The following PRCD variants were observed in gnomAD, a reference collection of about 807,000 sequenced individuals.
PRCD encodes the protein photoreceptor disk component PRCD.
A neutral mutation model predicts 10.1 loss-of-function variants in PRCD; 12 were observed. The observed-to-expected ratio is 1.18, with a 90% confidence interval of 0.76 to 1.92. The LOEUF (loss-of-function observed/expected upper bound fraction) is 1.92, where lower values mean the gene tolerates loss of function less well. Among genes scored for constraint, PRCD ranks in the 40% most tolerant of loss-of-function variants. The pLI is 0.00. For synonymous variants in PRCD, 31 were observed against 26.2 expected (o/e 1.18, Z -0.56); for missense variants, 61 against 72.2 (o/e 0.84, Z 0.56).
intron 1 of PRCD, chr17:76,529,077 C>T: frequency 1.3e-6 from 1 of 799,928 alleles, no homozygotes; most frequent in Non-Finnish European, 1.5e-6. Flanking sequence ...CGCAAAGGCG[C>T]ACACCCTGGA....
upstream of PRCD, chr17:76,537,571 C>G: frequency 1.0e-5 from 13 of 1,297,654 alleles, no homozygotes; most frequent in Non-Finnish European, 1.3e-5. Context: ...CCCGGCTTTG[C>G]TCGGCGGCGG....
In PRCD at chr17:76,545,259, C is replaced by T. The variant is rs1248016883; in HGVS notation, c.*1609C>T. ...AGCCTAGAGCTCCCCACAGAAGGCT[C>T]CTGGGACCCGGGTGCCCCTTCCTTG... On this transcript the variant is annotated 3_prime_UTR_variant, in exon 5 of 5. Transcript: ENST00000592014. 1 of 456,782 alleles carries T rather than the reference C, an allele frequency of 2.2e-6. No individual in the cohort carries two copies. Among genetic ancestry groups the T allele is most frequent in the Non-Finnish European group, 4.4e-6 (1 of 226,978 alleles). 28.3% of individuals were successfully genotyped at this position (456,782 alleles called of 1,614,324 possible). A position where few individuals can be genotyped will look rare whatever the true frequency, so the allele number is the denominator to read the frequency against.
upstream of PRCD, chr17:76,537,499 C>G: frequency 1.3e-6 from 2 of 1,579,554 alleles, no homozygotes; most frequent in Non-Finnish European, 1.7e-6. Flanking sequence ...CTCCTCGCTC[C>G]GCTCCCTGCG....
exon 2 of PRCD, chr17:76,553,451 G>C (rs1479609838): frequency 6.6e-6 from 1 of 152,210 alleles, no homozygotes; most frequent in Non-Finnish European, 1.5e-5. Context: ...CTGACACACA[G>C]ATGTGCTTCC....
At chr17:76,534,252 C>T (rs1409663035) in intron 1 of PRCD, among the ~76,000 whole-genome samples, 1 of 151,578 alleles carries the variant, frequency 6.6e-6, no homozygotes, top group African/African-American at 2.4e-5. Flanking sequence ...TCTTGGCTCA[C>T]TGCAACCTCT....
intron 1 of PRCD, chr17:76,529,041 T>TGGGGGGGGGGGGG: frequency 9.6e-6 from 8 of 834,136 alleles, no homozygotes; most frequent in Non-Finnish European, 1.1e-5. Context: ...CTGCAGTCAT[T>TGGGGGGGGGGGGG]GCGCCCCCCC....
upstream of PRCD, among the ~76,000 whole-genome samples, chr17:76,539,201 A>G (rs2074958312): frequency 6.6e-6 from 1 of 152,170 alleles, no homozygotes; most frequent in South Asian, 2.1e-4. Context: ...GGCTGGCTCC[A>G]TGCTCCACAC....
intron 1 of PRCD, among the ~76,000 whole-genome samples, chr17:76,552,429 G>C (rs1567917250): frequency 6.6e-6 from 1 of 151,672 alleles, no homozygotes; most frequent in Non-Finnish European, 1.5e-5. Context: ...TCAATCTCCT[G>C]ACCTCGTGAT....
chr17:76,537,945 G>C (rs1194894961), upstream of PRCD: 3 of 151,442 alleles, frequency 2.0e-5, no homozygotes, highest in Non-Finnish European at 4.4e-5. Context: ...GCGGGGCTCG[G>C]GTAGGTGTGG....
rs973102664 is a variant in PRCD, at chr17:76,533,289, A to G, written n.45+5456A>G. Among the ~76,000 whole-genome samples, 1 of 152,184 alleles carries G rather than the reference A, an allele frequency of 6.6e-6. No individual in the cohort carries two copies. Among genetic ancestry groups the G allele is most frequent in the Non-Finnish European group, 1.5e-5 (1 of 68,036 alleles). On this transcript the variant is annotated intron_variant and non_coding_transcript_variant, in intron 1 of 4. Coordinates refer to the PRCD transcript ENST00000397633. This position sits in a 1 kb window ranked among gnomAD's most constrained non-coding sequence, Gnocchi z 4.5. ...CCCCCGCTCACTGCTTCATGGATAC[A>G]CGGGTGAGGACACGTGAGGCGACGG...
upstream of PRCD, among the ~76,000 whole-genome samples, chr17:76,536,295 A>G (rs2074913010): frequency 6.6e-6 from 1 of 152,088 alleles, no homozygotes; most frequent in African/African-American, 2.4e-5. Context: ...GGCTTGGGAG[A>G]GGCCACAGGG....
Position 76,540,547 on chromosome 17 carries a change from G to A in PRCD, c.117G>A (p.Leu39=). 1 of 1,613,586 alleles carries A rather than the reference G, an allele frequency of 6.2e-7. No individual in the cohort carries two copies. Reference sequence around the variant, plus strand: ...ATGGGGCAGCTAGGGGCAGCAGCTTGGATGCGGACCCTCAGTCCTCAGGCA... The same window carrying A: ...ATGGGGCAGCTAGGGGCAGCAGCTTAGATGCGGACCCTCAGTCCTCAGGCA... ...DVDGAARGSS[L]DADPQSSGRE... is the part of the protein sequence containing the mutation. The change falls in exon 2 of 5, where the codon TTG becomes TTA. Residue 39 remains leucine, a synonymous_variant. Coordinates refer to ENST00000592014, the MANE Select transcript of PRCD (RefSeq NM_001077620.3). The surrounding 1 kb of genome is among the most constrained non-coding windows in gnomAD (Gnocchi z 5.0).
chr17:76,551,887 T>G (rs1272313309), intron 1 of PRCD: 6 of 148,096 alleles, frequency 4.1e-5, no homozygotes, highest in African/African-American at 1.6e-4. Context: ...GCACCTTGAC[T>G]TCCTCAGCTG....
intron 1 of PRCD, chr17:76,551,219 G>A (rs1195682633): frequency 6.6e-6 from 1 of 152,132 alleles, no homozygotes; most frequent in Non-Finnish European, 1.5e-5. Context: ...AAGGCAACAG[G>A]AACAAACACC....
chr17:76,534,357 T>C lies in PRCD; in HGVS notation n.46-6148T>C, dbSNP rs2074890561. On this transcript the variant is annotated intron_variant and non_coding_transcript_variant, in intron 1 of 4. Transcript: ENST00000397633. ...CCACACCCGGCTAATTTTTGTGTTT[T>C]TAGTAGAGACGGGGTTTCGCCATGC... Among the ~76,000 whole-genome samples, 3 of 152,140 alleles carry C rather than the reference T, an allele frequency of 2.0e-5. No individual in the cohort carries two copies. In the South Asian group the frequency reaches 6.2e-4, roughly 32 times the overall value.
intron 1 of PRCD, chr17:76,532,035 G>A (rs1363443388): frequency 9.5e-6 from 2 of 210,104 alleles, no homozygotes; most frequent in Non-Finnish European, 1.9e-5. Context: ...CTCAGGTTCT[G>A]GAATCATGAG....
chr17:76,531,906 A>C lies in PRCD; in HGVS notation n.45+4073A>C. ...CCAAGTCTGGCCATGTCTATCTGCC[A>C]GGCTTGCTCAGGCTGGCGGCTTCAT... On this transcript the variant is annotated intron_variant and non_coding_transcript_variant, in intron 1 of 4. Transcript: ENST00000397633. The surrounding 1 kb of genome is among the most constrained non-coding windows in gnomAD (Gnocchi z 7.4). 4.0e-6 allele frequency: 2 copies of C among 497,874 alleles called. No individual in the cohort carries two copies. The highest frequency in any genetic ancestry group is 7.2e-6 in the Non-Finnish European group (2 of 277,202). The allele number at this position is 497,874 out of a possible 1,614,324, so 30.8% of individuals were successfully genotyped here.
downstream of PRCD, among the ~76,000 whole-genome samples, chr17:76,547,882 T>C (rs1438534816): frequency 2.1e-5 from 3 of 145,650 alleles, no homozygotes; most frequent in Non-Finnish European, 3.0e-5. Flanking sequence ...TTCACACACA[T>C]ACACATACAC....
exon 2 of PRCD, chr17:76,553,417 G>A (rs2075129957): frequency 6.6e-6 from 1 of 152,206 alleles, no homozygotes; most frequent in Non-Finnish European, 1.5e-5. Flanking sequence ...CCAGACGGAG[G>A]AAGAGACTGG....
Sources: allele counts gnomAD v4.1 joint callset (sites outside exome capture counted in the v4.1 genomes callset), GRCh38; gene constraint gnomAD v4.1.1; non-coding constraint Gnocchi (gnomAD v3.1); transcripts MANE v1.5; gene names NCBI Gene and HGNC (gene_info 2026-07-23, HGNC 2026-07-21).